PDGFD: variants seen among roughly 807,000 people sequenced by gnomAD.
PDGFD encodes platelet-derived growth factor D.
PDGFD carries 30 observed loss-of-function variants against 44.7 expected under a neutral mutation model. That is an observed-to-expected ratio of 0.67 (90% CI 0.50 to 0.91). PDGFD has a LOEUF of 0.91. Ranked by LOEUF, PDGFD falls within the 40% of genes least tolerant of loss-of-function variation. PDGFD has a pLI of 0.00. For missense variants in PDGFD, 445 were observed against 457.8 expected, an observed-to-expected ratio of 0.97 and a Z score of 0.25; for synonymous variants, 173 against 168.4, an observed-to-expected ratio of 1.03 and a Z score of -0.21.
intron 1 of PDGFD, among the ~76,000 whole-genome samples, chr11:104,032,882 A>T (rs1591129820): frequency 6.6e-6 from 1 of 152,134 alleles, no homozygotes; most frequent in African/African-American, 2.4e-5. Context: ...CTTATATTGT[A>T]CTTACTAAGG....
At chr11:104,136,598 C>T (rs1212307633) in intron 1 of PDGFD, among the ~76,000 whole-genome samples, 4 of 152,150 alleles carry the variant, frequency 2.6e-5, no homozygotes, top group South Asian at 2.1e-4. Context: ...TCTAACTATA[C>T]GCACGTATTG....
At chr11:104,037,180 C>A (rs145797229) in intron 1 of PDGFD, 1 of 1,613,650 alleles carries the variant, frequency 6.2e-7, no homozygotes, top group South Asian at 1.1e-5. Context: ...GCAGCGCACA[C>A]CCGCTGCCCA....
At chr11:104,153,848 T>C (rs574407511) in intron 1 of PDGFD, among the ~76,000 whole-genome samples, 4 of 152,100 alleles carry the variant, frequency 2.6e-5, no homozygotes, top group South Asian at 4.2e-4. Context: ...CAAGTACCAA[T>C]TGACACTAGA....
intron 3 of PDGFD, among the ~76,000 whole-genome samples, chr11:103,989,711 G>A (rs930572291): frequency 6.6e-6 from 1 of 152,112 alleles, no homozygotes; most frequent in African/African-American, 2.4e-5. Context: ...GGAACAGGTA[G>A]GCAAGAAGGA....
intron 1 of PDGFD, among the ~76,000 whole-genome samples, chr11:104,065,139 T>A (rs1860771202): frequency 6.6e-6 from 1 of 152,160 alleles, no homozygotes; most frequent in Non-Finnish European, 1.5e-5. Context: ...CCCTCAAACA[T>A]CAGACTCCAA....
intron 3 of PDGFD, among the ~76,000 whole-genome samples, chr11:103,978,039 G>C (rs1339571639): frequency 2.6e-5 from 4 of 152,062 alleles, no homozygotes. Flanking sequence ...ATATGAGATT[G>C]CTGCAGCTTC....
chr11:104,039,583 T>A (rs1465709855), intron 1 of PDGFD, among the ~76,000 whole-genome samples: 1 of 152,120 alleles, frequency 6.6e-6, no homozygotes, highest in Non-Finnish European at 1.5e-5. Flanking sequence ...CTGGTCTACA[T>A]TTGCACAAAG....
intron 1 of PDGFD, among the ~76,000 whole-genome samples, chr11:104,010,125 C>G (rs1859761235): frequency 6.6e-6 from 1 of 151,256 alleles, no homozygotes; most frequent in Non-Finnish European, 1.5e-5. Context: ...AGTAGTAATA[C>G]AAAACTTTTC....
intron 1 of PDGFD, among the ~76,000 whole-genome samples, chr11:104,074,436 A>G (rs1860925144): frequency 6.6e-6 from 1 of 152,234 alleles, no homozygotes; most frequent in Non-Finnish European, 1.5e-5. Context: ...CAAGATATCT[A>G]AAATGTTGTG....
At chr11:103,929,506 C>T (rs1858368462) in intron 5 of PDGFD, among the ~76,000 whole-genome samples, 1 of 152,200 alleles carries the variant, frequency 6.6e-6, no homozygotes, top group African/African-American at 2.4e-5. Flanking sequence ...AACCAAACTC[C>T]TCACATTGTA....
Position 104,000,038 on chromosome 11 carries a change from T to C in PDGFD, c.329+13A>G, listed in dbSNP as rs746737489. ...CTTGAAATAGTACCGTAAAAATTTT[T>C]TTCCCAACTTACCTACAGATATCAT... is the stretch of plus-strand genomic sequence containing the variant. On this transcript the variant is annotated intron_variant, in intron 2 of 6. Transcript: ENST00000393158. 5.0e-6 allele frequency: 8 copies of C among 1,610,016 alleles called. No individual in the cohort carries two copies. The highest frequency in any genetic ancestry group is 5.9e-6 in the Non-Finnish European group (7 of 1,177,086).
intron 1 of PDGFD, among the ~76,000 whole-genome samples, chr11:104,047,735 A>G (rs1860465839): frequency 8.5e-6 from 1 of 117,642 alleles, no homozygotes; most frequent in Admixed American, 8.3e-5. Flanking sequence ...TTTCCACTCC[A>G]CTATAACTTT....
intron 1 of PDGFD, among the ~76,000 whole-genome samples, chr11:104,020,682 T>C (rs964211364): frequency 3.9e-5 from 6 of 152,154 alleles, no homozygotes; most frequent in African/African-American, 1.2e-4. Flanking sequence ...ATTTTTCTTA[T>C]GCATTTACAT....
intron 1 of PDGFD, among the ~76,000 whole-genome samples, chr11:104,059,526 T>C (rs760770917): frequency 1.3e-5 from 2 of 152,236 alleles, no homozygotes; most frequent in East Asian, 1.9e-4. Context: ...TACAGTATTG[T>C]TATTATTTTA....
intron 5 of PDGFD, among the ~76,000 whole-genome samples, chr11:103,936,321 G>A (rs1433275792): frequency 6.6e-6 from 1 of 152,166 alleles, no homozygotes; most frequent in Non-Finnish European, 1.5e-5. Flanking sequence ...GGCAGACAGA[G>A]AAAATTGCAA....
chr11:104,128,723 T>C (rs1430696706), intron 1 of PDGFD, among the ~76,000 whole-genome samples: 4 of 152,182 alleles, frequency 2.6e-5, no homozygotes, highest in Non-Finnish European at 5.9e-5. Context: ...GTCAACTTAT[T>C]GACCTTTAAA....
At chr11:103,996,325 T>C in intron 2 of PDGFD, 80 bp from the exon 3 acceptor site, 1 of 1,202,944 alleles carries the variant, frequency 8.3e-7, no homozygotes, top group Admixed American at 2.2e-5. Flanking sequence ...AAATTAAAAC[T>C]AGCATATATG....
chr11:104,112,145 T>C (rs1025745282), intron 1 of PDGFD, among the ~76,000 whole-genome samples: 3 of 152,182 alleles, frequency 2.0e-5, no homozygotes, highest in Non-Finnish European at 4.4e-5. Context: ...TATGCAGAAA[T>C]AGTAAGATTA....
At chr11:104,116,783 T>C (rs1861646599) in intron 1 of PDGFD, among the ~76,000 whole-genome samples, 1 of 151,958 alleles carries the variant, frequency 6.6e-6, no homozygotes, top group Non-Finnish European at 1.5e-5. Context: ...GGGGCCGGTC[T>C]TTCCCGTGGC....
Sources: allele counts gnomAD v4.1 joint callset (sites outside exome capture counted in the v4.1 genomes callset), GRCh38; gene constraint gnomAD v4.1.1; transcripts MANE v1.5; gene names NCBI Gene and HGNC (gene_info 2026-07-23, HGNC 2026-07-21).